The following CCBE1 variants were observed in gnomAD, a reference collection of about 807,000 sequenced individuals.
CCBE1 encodes the protein collagen and calcium-binding EGF domain-containing protein 1.
Under a neutral mutation model 50.0 loss-of-function variants are expected in CCBE1, and 37 were observed. The observed-to-expected ratio is 0.74, with a 90% confidence interval of 0.57 to 0.97. The LOEUF is 0.97. Ranked by LOEUF, CCBE1 falls within the 50% of genes least tolerant of loss-of-function variation. CCBE1 has a pLI of 0.00. For missense variants in CCBE1, 538 were observed against 523.8 expected (o/e 1.03, Z -0.26); for synonymous variants, 234 against 203.7 (o/e 1.15, Z -1.27).
chr18:59,566,225 C>A (rs922719970), intron 2 of CCBE1, among the ~76,000 whole-genome samples: 4 of 152,178 alleles, frequency 2.6e-5, no homozygotes, highest in African/African-American at 9.7e-5. Context: ...CACAGGGTGA[C>A]ACACAATGTC....
At chr18:59,648,564 G>C (rs1341696369) in intron 2 of CCBE1, among the ~76,000 whole-genome samples, 3 of 152,206 alleles carry the variant, frequency 2.0e-5, no homozygotes, top group African/African-American at 7.2e-5. Flanking sequence ...AAATTAGTCA[G>C]GCGTGGTGGC....
chr18:59,500,038 A>T (rs144036247), intron 2 of CCBE1, among the ~76,000 whole-genome samples: 232 of 152,340 alleles, frequency 1.5e-3, no homozygotes, highest in African/African-American at 5.2e-3. Context: ...CCAGTTCCAC[A>T]ATGTAGGGCT....
intron 2 of CCBE1, among the ~76,000 whole-genome samples, chr18:59,648,079 A>G (rs1363309304): frequency 6.6e-6 from 1 of 152,254 alleles, no homozygotes; most frequent in Non-Finnish European, 1.5e-5. Flanking sequence ...GTGTATGAAC[A>G]CGATGGAAAA....
intron 2 of CCBE1, among the ~76,000 whole-genome samples, chr18:59,560,943 C>T (rs2052727759): frequency 2.0e-5 from 3 of 152,204 alleles, no homozygotes; most frequent in Admixed American, 1.3e-4. Flanking sequence ...AGTCCTAATG[C>T]AAGATAAGGC....
In CCBE1 at chr18:59,436,215, G is replaced by A. The variant is rs974349565; in HGVS notation, c.988-74C>T. The A allele has an allele frequency of 7.6e-6, 10 of 1,323,148 alleles. No individual in the cohort carries two copies. In the South Asian group the frequency reaches 9.4e-5, roughly 13 times the overall value. 82.0% of individuals were successfully genotyped at this position (1,323,148 alleles called of 1,614,324 possible). ...CCTCCGGGGCTCCATGACTTGACCT[G>A]CTGCTTGCTGGCAACTACTTTCTCA... is the stretch of plus-strand genomic sequence containing the variant. On this transcript the variant is annotated intron_variant, in intron 10 of 10. Coordinates refer to ENST00000439986, the MANE Select transcript of CCBE1 (RefSeq NM_133459.4).
At chr18:59,624,468 A>G (rs1354648993) in intron 2 of CCBE1, among the ~76,000 whole-genome samples, 1 of 152,250 alleles carries the variant, frequency 6.6e-6, no homozygotes, top group Non-Finnish European at 1.5e-5. Context: ...TGTTGGAACT[A>G]CCAAGATCTG....
intron 3 of CCBE1, among the ~76,000 whole-genome samples, chr18:59,477,178 G>A (rs761117659): frequency 1.5e-4 from 23 of 152,202 alleles, no homozygotes; most frequent in Non-Finnish European, 3.1e-4. Flanking sequence ...CTACCAAGGG[G>A]AAATTGTACT....
intron 2 of CCBE1, among the ~76,000 whole-genome samples, chr18:59,613,497 A>C (rs1291615169): frequency 1.3e-5 from 2 of 152,246 alleles, no homozygotes. Context: ...CAATTATTTT[A>C]AGGGAAACTT....
intron 2 of CCBE1, among the ~76,000 whole-genome samples, chr18:59,590,485 C>CA (rs1294795266): frequency 1.3e-5 from 2 of 151,898 alleles, no homozygotes; most frequent in African/African-American, 4.8e-5. Flanking sequence ...CCAAAAATAT[C>CA]AAATTTTTGT....
At position 59,659,563 on chromosome 18, in the gene CCBE1, C is replaced by G. The variant is rs567537119; in HGVS notation, c.212+37066G>C. Among the ~76,000 whole-genome samples the G allele has an allele frequency of 3.6e-4, 54 of 152,034 alleles. 1 individual carries two copies. Among genetic ancestry groups the G allele is most frequent in the Admixed American group, 2.0e-4 (3 of 15,262 alleles). On this transcript the variant is annotated intron_variant, in intron 2 of 10. Coordinates refer to ENST00000439986, the MANE Select transcript of CCBE1 (RefSeq NM_133459.4). ...CAAACTGAAAGAAAGAACAACATCACGAAACAAAATCCATCACATCTTCAA... is the reference window on the plus strand; with the variant it reads ...CAAACTGAAAGAAAGAACAACATCAGGAAACAAAATCCATCACATCTTCAA...
At chr18:59,494,685 G>C (rs1195201775) in intron 2 of CCBE1, among the ~76,000 whole-genome samples, 1 of 152,154 alleles carries the variant, frequency 6.6e-6, no homozygotes, top group Non-Finnish European at 1.5e-5. Flanking sequence ...TCAGAAGAGA[G>C]CTAATTACAA....
chr18:59,559,929 A>G (rs1017447013), intron 2 of CCBE1, among the ~76,000 whole-genome samples: 16 of 152,120 alleles, frequency 1.1e-4, no homozygotes, highest in African/African-American at 3.9e-4. Context: ...GGGACAGTCC[A>G]CCAAGAGCCA....
At chr18:59,579,702 G>A (rs977683414) in intron 2 of CCBE1, among the ~76,000 whole-genome samples, 4 of 152,214 alleles carry the variant, frequency 2.6e-5, no homozygotes, top group African/African-American at 9.7e-5. Flanking sequence ...AGAACGGAAT[G>A]TTAGGCTCTT....
chr18:59,437,612 C>T (rs944474428), intron 10 of CCBE1, among the ~76,000 whole-genome samples: 10 of 152,248 alleles, frequency 6.6e-5, no homozygotes, highest in Admixed American at 3.3e-4. Context: ...TACTATTTCT[C>T]ATTTTTAATC....
At position 59,436,112 on chromosome 18, in the gene CCBE1, T is replaced by C. The variant is rs765502530; in HGVS notation, c.1017A>G (p.Leu339=). 43 of 1,614,066 alleles carry C rather than the reference T, an allele frequency of 2.7e-5. 1 individual carries two copies. The highest frequency in any genetic ancestry group is 3.3e-4 in the Middle Eastern group (2 of 6,084). Residue 339 remains leucine (L), a synonymous_variant, in exon 11 of 11, where the codon CTA becomes CTG. Coordinates refer to ENST00000439986, the MANE Select transcript of CCBE1 (RefSeq NM_133459.4). ...CATTGCGGATGTCAGCCAGCATAAGTAGCAGGAAGTCGAAAGAACCAGGGG... is the reference window on the plus strand; with the variant it reads ...CATTGCGGATGTCAGCCAGCATAAGCAGCAGGAAGTCGAAAGAACCAGGGG... ...PGPPGSFDFL[L]LMLADIRNDI... is the part of the protein sequence containing the mutation.
In CCBE1 at chr18:59,436,046, AGTCC is replaced by A. The variant is rs745675082; in HGVS notation, c.1079_1082del (p.Arg360LeufsTer38). On this transcript the variant is annotated frameshift_variant, in exon 11 of 11. Transcript: ENST00000439986. LOFTEE classifies it high-confidence loss of function. ...AAGGGAACTCCTCTGCTGAAGAGTGAGTCCGGTGCCCGAACACCTTTTCCTGCAG... is the reference window on the plus strand; with the variant it reads ...AAGGGAACTCCTCTGCTGAAGAGTGAGGTGCCCGAACACCTTTTCCTGCAG... 5.6e-6 allele frequency: 9 copies of A among 1,614,190 alleles called. No individual in the cohort carries two copies.
chr18:59,658,266 C>T (rs1194587327), intron 2 of CCBE1, among the ~76,000 whole-genome samples: 1 of 117,260 alleles, frequency 8.5e-6, no homozygotes, highest in South Asian at 3.1e-4. Context: ...GAGGCAGGAT[C>T]CCTTGAGGCC....
intron 9 of CCBE1, among the ~76,000 whole-genome samples, chr18:59,438,527 G>C (rs971686652): frequency 1.3e-5 from 2 of 152,206 alleles, no homozygotes; most frequent in African/African-American, 4.8e-5. Flanking sequence ...AGCATCTCCT[G>C]TTCCTGAGAA....
At chr18:59,642,897 C>G (rs1231359143) in intron 2 of CCBE1, among the ~76,000 whole-genome samples, 2 of 142,856 alleles carry the variant, frequency 1.4e-5, no homozygotes, top group Non-Finnish European at 3.0e-5. Context: ...TGCAGTGAAC[C>G]GAGATCGTGC....
Sources: allele counts gnomAD v4.1 joint callset (sites outside exome capture counted in the v4.1 genomes callset), GRCh38; gene constraint gnomAD v4.1.1; transcripts MANE v1.5; gene names NCBI Gene and HGNC (gene_info 2026-07-23, HGNC 2026-07-21).